PPP1R13L: variants seen among roughly 807,000 people sequenced by gnomAD.
PPP1R13L encodes the protein relA-associated inhibitor.
PPP1R13L carries 50 observed loss-of-function variants against 80.9 expected under a neutral mutation model. The ratio of observed to expected loss-of-function variants is 0.62; its 90% CI spans 0.49 to 0.78. The LOEUF is 0.78. PPP1R13L is among the 30% of genes least tolerant of loss of function. The probability of loss-of-function intolerance (pLI) is 0.00; values close to 1 mark genes in which losing one functional copy is unlikely to be tolerated. For synonymous variants in PPP1R13L, 602 were observed against 534.3 expected (o/e 1.13, Z -1.75); for missense variants, 1,200 against 1,205.9 (o/e 1.00, Z 0.07).
At chr19:45,385,443 T>A (rs1218324202) in intron 11 of PPP1R13L, 119 bp downstream of exon 11, 2 of 1,223,900 alleles carry the variant, frequency 1.6e-6, no homozygotes, top group African/African-American at 3.1e-5. Flanking sequence ...TCCTCGGCAA[T>A]CCTGCCAAGT....
chr19:45,381,876 G>A (rs2123343701), intron 12 of PPP1R13L, among the ~76,000 whole-genome samples: 1 of 152,028 alleles, frequency 6.6e-6, no homozygotes, highest in East Asian at 1.9e-4. Context: ...GGAGGCAGAG[G>A]TTGCAGTGAG....
chr19:45,391,084 G>A (rs936681083), intron 8 of PPP1R13L, among the ~76,000 whole-genome samples: 1 of 151,996 alleles, frequency 6.6e-6, no homozygotes, highest in African/African-American at 2.4e-5. Flanking sequence ...TATAATCCCA[G>A]CTACTTGGGA....
At chr19:45,391,381 G>A (rs964180191) in intron 8 of PPP1R13L, among the ~76,000 whole-genome samples, 4 of 152,286 alleles carry the variant, frequency 2.6e-5, no homozygotes, top group African/African-American at 4.8e-5. Context: ...AGGAATGCCC[G>A]GGGCAGGGCA....
At chr19:45,383,216 G>T (rs536312342) in intron 11 of PPP1R13L, among the ~76,000 whole-genome samples, 3 of 150,208 alleles carry the variant, frequency 2.0e-5, no homozygotes, top group Admixed American at 1.3e-4. Flanking sequence ...GGATGGTCTC[G>T]ATCTCCTGAC....
At position 45,386,100 on chromosome 19, in the gene PPP1R13L, C is replaced by T. The variant is rs780275177; in HGVS notation, c.1896G>A (p.Leu632=). ...RARLNPLVLL[L]DAALTGELEV... The stretch of plus-strand genomic sequence containing the variant: ...CCAGCTCCCCGGTCAGCGCCGCGTC[C>T]AGGAGGAGCACCAGAGGGTTGAGGC... Residue 632 remains leucine, a synonymous_variant, in exon 9 of 13, where the codon CTG becomes CTA. Transcript: ENST00000360957. 2.5e-6 allele frequency: 4 copies of T among 1,577,606 alleles called. No homozygotes were observed. The highest frequency in any genetic ancestry group is 2.6e-6 in the Non-Finnish European group (3 of 1,167,292).
chr19:45,386,248 A>G, intron 8 of PPP1R13L, 68 bp from the exon 9 acceptor site: 1 of 1,428,442 alleles, frequency 7.0e-7, no homozygotes, highest in Non-Finnish European at 9.1e-7. Flanking sequence ...CTAGAGTAGG[A>G]AACAGAGGTC....
chr19:45,395,643 A>G lies in PPP1R13L; in HGVS notation c.1147T>C (p.Trp383Arg). Reference protein sequence around the residue: ...SMIFKLQNAFWEHGASRAMLP... With the variant: ...SMIFKLQNAFREHGASRAMLP... The stretch of plus-strand genomic sequence containing the variant: ...ATGGCGCGGCTGGCCCCGTGCTCCC[A>G]GAAGGCGTTCTGCAGCTTGAAGATC... The change falls in exon 7 of 13, where the codon TGG (tryptophan) becomes CGG (arginine). Residue 383 changes from tryptophan to arginine, a missense_variant. Trp to Arg is a moderately radical substitution (Grantham distance 101). Transcript: ENST00000360957. 1 of 1,446,808 alleles carries G rather than the reference A, an allele frequency of 6.9e-7. No homozygotes were observed. The highest frequency in any genetic ancestry group is 9.1e-7 in the Non-Finnish European group (1 of 1,104,648). The allele number at this position is 1,446,808 out of a possible 1,614,324, so 89.6% of individuals were successfully genotyped here. A position where few individuals can be genotyped will look rare whatever the true frequency, so the allele number is the denominator to read the frequency against.
In PPP1R13L at chr19:45,395,894, A is replaced by G. The variant is rs371161902; in HGVS notation, c.904-8T>C. 1 of 1,575,346 alleles carries G rather than the reference A, an allele frequency of 6.3e-7. No individual in the cohort carries two copies. Among genetic ancestry groups the G allele is most frequent in the African/African-American group, 1.3e-5 (1 of 74,384 alleles). ...GGCGCTAGTGAGGTTGTCCTGGGGA[A>G]GAGGGAAGGGAGAAGGGGATCGGGT... On this transcript the variant is annotated splice_region_variant and splice_polypyrimidine_tract_variant and intron_variant, in intron 6 of 12. Coordinates refer to ENST00000360957, the MANE Select transcript of PPP1R13L (RefSeq NM_006663.4).
chr19:45,392,726 C>T (rs1973002612), intron 7 of PPP1R13L: 1 of 323,848 alleles, frequency 3.1e-6, no homozygotes. Flanking sequence ...CTTCTACCAA[C>T]CGTGATAGAT....
Position 45,396,251 on chromosome 19 carries a change from C to A in PPP1R13L, c.820G>T (p.Val274Phe), listed in dbSNP as rs758348644. ...SQTASYERLD[V>F]FARPASPSLQ... is the part of the protein sequence containing the mutation. ...CTCGGCGAGGCAGGCCTTGCGAAGA[C>A]GTCCAGGCCTGCGGGGCGGGAATCA... The change falls in exon 6 of 13, where the codon GTC becomes TTC. Residue 274 changes from valine to phenylalanine, a missense_variant. By Grantham distance (50) the Val-to-Phe change is conservative (BLOSUM62 -1). Coordinates refer to ENST00000360957, the MANE Select transcript of PPP1R13L (RefSeq NM_006663.4). The surrounding 1 kb of genome is among the most constrained non-coding windows in gnomAD (Gnocchi z 5.3). 3 of 1,611,070 alleles carry A rather than the reference C, an allele frequency of 1.9e-6. No individual in the cohort carries two copies. Among genetic ancestry groups the A allele is most frequent in the South Asian group, 2.2e-5 (2 of 90,940 alleles).
intron 7 of PPP1R13L, chr19:45,392,766 C>T (rs1973003207): frequency 3.6e-6 from 1 of 277,866 alleles, no homozygotes; most frequent in African/African-American, 2.3e-5. Context: ...AGAGTTTCCT[C>T]TCCTAACATC....
At position 45,402,397 on chromosome 19, in the gene PPP1R13L, A is replaced by G. The variant is rs535985809; in HGVS notation, c.-22+2602T>C. Among the ~76,000 whole-genome samples the G allele has an allele frequency of 4.6e-5, 7 of 152,344 alleles. No homozygotes were observed. In the South Asian group the frequency reaches 1.4e-3, roughly 32 times the overall value. ...CGGCGCCATGATCCCCAAATTTCCAAGATTCTCAGATTCCATACTGACATT... is the reference window on the plus strand; with the variant it reads ...CGGCGCCATGATCCCCAAATTTCCAGGATTCTCAGATTCCATACTGACATT... On this transcript the variant is annotated intron_variant, in intron 1 of 12. Coordinates refer to ENST00000360957, the MANE Select transcript of PPP1R13L (RefSeq NM_006663.4).
intron 1 of PPP1R13L, among the ~76,000 whole-genome samples, chr19:45,399,822 G>A (rs564720721): frequency 6.6e-6 from 1 of 151,862 alleles, no homozygotes; most frequent in East Asian, 1.9e-4. Flanking sequence ...GGTGGCATGT[G>A]CCTGTAATCC....
chr19:45,382,802 A>G, intron 11 of PPP1R13L, 76 bp from the exon 12 acceptor site: 1 of 1,426,604 alleles, frequency 7.0e-7, no homozygotes, highest in Non-Finnish European at 9.7e-7. Context: ...GGGGTCCAGG[A>G]CAGACCCTGG....
At position 45,379,925 on chromosome 19, in the gene PPP1R13L, A is replaced by T. The variant is rs1377524135; in HGVS notation, c.*265T>A. The T allele has an allele frequency of 1.1e-5, 4 of 374,536 alleles. No homozygotes were observed. Among genetic ancestry groups the T allele is most frequent in the African/African-American group, 4.2e-5 (2 of 47,920 alleles). The allele number at this position is 374,536 out of a possible 1,614,324, so 23.2% of individuals were successfully genotyped here. On this transcript the variant is annotated 3_prime_UTR_variant, in exon 13 of 13. Coordinates refer to ENST00000360957, the MANE Select transcript of PPP1R13L (RefSeq NM_006663.4). Reference sequence around the variant, plus strand: ...AGGCATGGGAGGCACTTTGGACGGGATCTGATTTGGCAAAAGGAAGTGGTT... The same window carrying T: ...AGGCATGGGAGGCACTTTGGACGGGTTCTGATTTGGCAAAAGGAAGTGGTT...
At chr19:45,391,516 T>C (rs575027180) in intron 8 of PPP1R13L, among the ~76,000 whole-genome samples, 44 of 152,286 alleles carry the variant, frequency 2.9e-4, no homozygotes, top group African/African-American at 9.4e-4. Context: ...CCCATTGCAA[T>C]GAGGCTCCTG....
intron 11 of PPP1R13L, among the ~76,000 whole-genome samples, 181 bp from the exon 12 acceptor site, chr19:45,382,907 G>A (rs1201007290): frequency 6.6e-6 from 1 of 152,098 alleles, no homozygotes; most frequent in African/African-American, 2.4e-5. Flanking sequence ...GGGACTGGCC[G>A]TCTTTGAGCG....
chr19:45,405,772 C>T (rs1973333359), upstream of PPP1R13L, among the ~76,000 whole-genome samples: 1 of 152,216 alleles, frequency 6.6e-6, no homozygotes, highest in African/African-American at 2.4e-5. Context: ...ACACACTGGC[C>T]AGGAATGCAG....
intron 1 of PPP1R13L, among the ~76,000 whole-genome samples, chr19:45,401,491 C>T (rs560737559): frequency 2.3e-3 from 349 of 152,214 alleles, no homozygotes; most frequent in Non-Finnish European, 3.9e-3. Flanking sequence ...AGCCACCACA[C>T]CTGGCCAAAT....
Sources: gnomAD v4.1 joint callset for allele counts (sites outside exome capture counted in the v4.1 genomes callset) on GRCh38, gnomAD v4.1.1 for gene constraint, Gnocchi (gnomAD v3.1) non-coding constraint, MANE v1.5 for transcripts, NCBI Gene and HGNC (gene_info 2026-07-23, HGNC 2026-07-21) for gene names.